The following CWC27 variants were observed in gnomAD, a reference collection of about 807,000 sequenced individuals.
CWC27 encodes the protein CWC27 spliceosome associated cyclophilin, also known as spliceosome-associated protein CWC27 homolog.
CWC27 carries 47 observed loss-of-function variants against 63.6 expected under a neutral mutation model. The observed-to-expected ratio is 0.74, with a 90% CI of 0.58 to 0.94. The LOEUF (loss-of-function observed/expected upper bound fraction) is 0.94. Among genes scored for constraint, CWC27 ranks in the 40% least tolerant of loss-of-function variants. The probability of loss-of-function intolerance (pLI) is 0.00; values close to 1 mark genes in which losing one functional copy is unlikely to be tolerated. For synonymous variants in CWC27, 175 were observed against 179.8 expected (o/e 0.97, Z 0.22); for missense variants, 495 against 554.3 (o/e 0.89, Z 1.07).
chr5:64,893,632 G>A (rs1439008822), intron 11 of CWC27, among the ~76,000 whole-genome samples: 3 of 152,050 alleles, frequency 2.0e-5, no homozygotes, highest in Non-Finnish European at 4.4e-5. Flanking sequence ...ATGCCAGAAA[G>A]AACAAAAGGA....
rs77883787 is a variant in CWC27, at chr5:64,930,278, G to A, written c.1043-41425G>A. Among the ~76,000 whole-genome samples, 41 of 152,016 alleles carry A rather than the reference G, an allele frequency of 2.7e-4. 1 individual carries two copies. The East Asian group carries it at 5.2e-3, about 19-fold the overall frequency. On this transcript the variant is annotated intron_variant, in intron 11 of 13. Coordinates refer to ENST00000381070, the MANE Select transcript of CWC27 (RefSeq NM_005869.4). ...GCTAACAGGTAGTGTTTTTTTTTAA[G>A]GGGTGGTGGAAATTTTCTGGAATTA...
rs990961059 is a variant in CWC27 at position 64,885,302 on chromosome 5, A to G, written c.939-141A>G. 5 of 551,062 alleles carry G rather than the reference A, an allele frequency of 9.1e-6. No homozygotes were observed. The Admixed American group carries it at 1.3e-4, about 15-fold the overall frequency. 34.1% of individuals were successfully genotyped at this position (551,062 alleles called of 1,614,324 possible). On this transcript the variant is annotated intron_variant, in intron 10 of 13. Transcript: ENST00000381070. Reference sequence around the variant, plus strand: ...TTAAGTGTATTTCTATAGCACAAGTATACATACACAGAAACAAAATGAATG... The same window carrying G: ...TTAAGTGTATTTCTATAGCACAAGTGTACATACACAGAAACAAAATGAATG...
chr5:64,927,930 G>C (rs2112398353), intron 11 of CWC27, among the ~76,000 whole-genome samples: 1 of 152,244 alleles, frequency 6.6e-6, no homozygotes, highest in African/African-American at 2.4e-5. Flanking sequence ...GGAGGCAGGT[G>C]GATCACCTGA....
At chr5:64,932,419 T>C (rs1281818119) in intron 11 of CWC27, among the ~76,000 whole-genome samples, 1 of 152,178 alleles carries the variant, frequency 6.6e-6, no homozygotes, top group African/African-American at 2.4e-5. Flanking sequence ...AAATTTTGTT[T>C]GGGATGTTTA....
At chr5:64,919,038 G>A (rs1468172193) in intron 11 of CWC27, among the ~76,000 whole-genome samples, 1 of 152,194 alleles carries the variant, frequency 6.6e-6, no homozygotes, top group Non-Finnish European at 1.5e-5. Flanking sequence ...AAGTTCCATG[G>A]AGAAATGCAG....
chr5:64,917,583 A>G (rs997334249), intron 11 of CWC27, among the ~76,000 whole-genome samples: 3 of 152,092 alleles, frequency 2.0e-5, no homozygotes, highest in Admixed American at 6.5e-5. Context: ...TAGACTGAGT[A>G]GAGCAGATTA....
chr5:64,793,598 C>T (rs951115323), intron 7 of CWC27, among the ~76,000 whole-genome samples: 2 of 152,060 alleles, frequency 1.3e-5, no homozygotes, highest in Admixed American at 1.3e-4. Context: ...TATATTTCTT[C>T]AAAATTTAGC....
intron 10 of CWC27, among the ~76,000 whole-genome samples, chr5:64,817,950 C>CA (rs1271794823): frequency 6.6e-6 from 1 of 152,074 alleles, no homozygotes; most frequent in Non-Finnish European, 1.5e-5. Flanking sequence ...TTTGTGTACT[C>CA]ACATTTCTTT....
intron 10 of CWC27, among the ~76,000 whole-genome samples, chr5:64,876,191 C>T (rs1746790768): frequency 6.6e-6 from 1 of 151,984 alleles, no homozygotes; most frequent in Non-Finnish European, 1.5e-5. Context: ...TATGGTGAAC[C>T]TACATCTCTG....
intron 10 of CWC27, among the ~76,000 whole-genome samples, chr5:64,881,161 G>A (rs905883354): frequency 1.3e-5 from 2 of 152,026 alleles, no homozygotes; most frequent in Non-Finnish European, 1.5e-5. Context: ...GGTGTTGCTT[G>A]AATGGTCTCA....
chr5:64,913,713 A>G (rs552902713), intron 11 of CWC27, among the ~76,000 whole-genome samples: 1 of 152,198 alleles, frequency 6.6e-6, no homozygotes, highest in East Asian at 1.9e-4. Context: ...TATCTATAAA[A>G]TGGAGGGACA....
intron 10 of CWC27, among the ~76,000 whole-genome samples, chr5:64,868,188 T>G (rs1454975871): frequency 3.9e-5 from 6 of 151,944 alleles, no homozygotes; most frequent in Non-Finnish European, 7.4e-5. Context: ...AACCCACATA[T>G]AAGAAAAGTC....
At chr5:64,855,591 G>A (rs1435386915) in intron 10 of CWC27, among the ~76,000 whole-genome samples, 2 of 152,132 alleles carry the variant, frequency 1.3e-5, no homozygotes, top group Non-Finnish European at 2.9e-5. Flanking sequence ...ACTTACAGAA[G>A]TAAATGTTTG....
intron 13 of CWC27, among the ~76,000 whole-genome samples, chr5:65,004,861 CATATATATATATATATATATATATAT>C (rs1170127729): frequency 0.038 from 1,742 of 45,538 alleles, 126 homozygotes; most frequent in African/African-American, 0.14. Flanking sequence ...AAGACTTTTT[CATATATATATATATATATATATATAT>C]ATATATATAT....
At chr5:65,013,122 A>G (rs149341021) in intron 13 of CWC27, among the ~76,000 whole-genome samples, 67 of 152,340 alleles carry the variant, frequency 4.4e-4, no homozygotes, top group African/African-American at 1.5e-3. Context: ...TGAGATGGAT[A>G]AGAACATAAG....
intron 11 of CWC27, among the ~76,000 whole-genome samples, chr5:64,916,441 G>A (rs567460131): frequency 1.9e-3 from 294 of 152,226 alleles, no homozygotes; most frequent in African/African-American, 6.6e-3. Context: ...CCATAATGAA[G>A]TACAATTTAA....
chr5:64,920,911 A>C (rs1040785289), intron 11 of CWC27, among the ~76,000 whole-genome samples: 1 of 151,652 alleles, frequency 6.6e-6, no homozygotes. Context: ...ACCAACTTTT[A>C]ATTTTATTGA....
At chr5:64,943,871 A>G (rs1748538910) in intron 11 of CWC27, among the ~76,000 whole-genome samples, 1 of 152,132 alleles carries the variant, frequency 6.6e-6, no homozygotes, top group Non-Finnish European at 1.5e-5. Context: ...TGTGATCTGG[A>G]CCAAACACTG....
At chr5:64,845,980 A>G (rs1487493920) in intron 10 of CWC27, among the ~76,000 whole-genome samples, 1 of 152,234 alleles carries the variant, frequency 6.6e-6, no homozygotes, top group Non-Finnish European at 1.5e-5. Context: ...GAGAACAGCA[A>G]GAGATAATAA....
Sources: allele counts gnomAD v4.1 joint callset (sites outside exome capture counted in the v4.1 genomes callset), GRCh38; gene constraint gnomAD v4.1.1; transcripts MANE v1.5; gene names NCBI Gene and HGNC (gene_info 2026-07-23, HGNC 2026-07-21).